GPC5: variants seen among roughly 807,000 people sequenced by gnomAD.
GPC5 encodes glypican 5.
In GPC5, 47 loss-of-function variants were observed where a neutral mutation model predicts 53.9. The ratio of observed to expected loss-of-function variants is 0.87; its 90% CI spans 0.69 to 1.11. GPC5 has a LOEUF of 1.11. GPC5 is among the 50% of genes most tolerant of loss of function. The probability of loss-of-function intolerance (pLI) is 0.00; values close to 1 mark genes in which losing one functional copy is unlikely to be tolerated. For synonymous variants in GPC5, 286 were observed against 263.3 expected, an observed-to-expected ratio of 1.09 and a Z score of -0.84; for missense variants, 748 against 713.1, an observed-to-expected ratio of 1.05 and a Z score of -0.56.
chr13:92,752,234 T>C (rs1350210035), intron 7 of GPC5, among the ~76,000 whole-genome samples: 2 of 152,118 alleles, frequency 1.3e-5, no homozygotes, highest in African/African-American at 4.8e-5. Flanking sequence ...TTCTACCAAC[T>C]AGATGTCATC....
At chr13:92,583,289 T>C (rs942415115) in intron 7 of GPC5, among the ~76,000 whole-genome samples, 1 of 152,226 alleles carries the variant, frequency 6.6e-6, no homozygotes, top group Non-Finnish European at 1.5e-5. Context: ...AAATAAGATA[T>C]ATTGATGTGT....
intron 2 of GPC5, among the ~76,000 whole-genome samples, chr13:91,679,244 T>C (rs753034292): frequency 2.6e-5 from 4 of 152,252 alleles, no homozygotes; most frequent in Non-Finnish European, 5.9e-5. Context: ...TTTTGTTACA[T>C]AGGTATACAG....
intron 6 of GPC5, among the ~76,000 whole-genome samples, chr13:92,089,201 G>A (rs182464425): frequency 1.3e-5 from 2 of 152,302 alleles, no homozygotes; most frequent in Admixed American, 6.5e-5. Context: ...TTGGGAGGCC[G>A]AGGCGGGCCG....
intron 7 of GPC5, among the ~76,000 whole-genome samples, chr13:92,596,592 G>C (rs1883888934): frequency 6.6e-6 from 1 of 151,990 alleles, no homozygotes; most frequent in East Asian, 1.9e-4. Flanking sequence ...TTATGCCTCA[G>C]CCTCCCAAGT....
Position 91,659,299 on chromosome 13 carries a change from G to A in GPC5, c.326-33888G>A, listed in dbSNP as rs1284113172. ...ATAGGGAGCTTGGTGAGGATTTTCA[G>A]GGCAGTAGCGAAGTGCCCTTGGCAT... is the stretch of plus-strand genomic sequence containing the variant. On this transcript the variant is annotated intron_variant, in intron 2 of 7. Coordinates refer to ENST00000377067, the MANE Select transcript of GPC5 (RefSeq NM_004466.6). 2.0e-5 allele frequency among the ~76,000 whole-genome samples: 3 copies of A among 152,168 alleles called. No individual in the cohort carries two copies. In the East Asian group the frequency reaches 5.8e-4, roughly 29 times the overall value.
intron 2 of GPC5, among the ~76,000 whole-genome samples, chr13:91,585,883 G>GA: frequency 6.6e-6 from 1 of 151,610 alleles, no homozygotes; most frequent in African/African-American, 2.4e-5. Context: ...GTTAAATTTT[G>GA]AAAAAAGAAA....
chr13:92,501,525 T>C (rs1880183437), intron 7 of GPC5, among the ~76,000 whole-genome samples: 2 of 151,968 alleles, frequency 1.3e-5, no homozygotes, highest in Admixed American at 1.3e-4. Flanking sequence ...CAGAAAAAAA[T>C]ATTTAAGACA....
At chr13:92,437,381 G>A (rs188885675) in intron 7 of GPC5, among the ~76,000 whole-genome samples, 51 of 152,110 alleles carry the variant, frequency 3.4e-4, no homozygotes, top group Admixed American at 5.9e-4. Flanking sequence ...AAATTGAGAA[G>A]CTCCTGGCCT....
intron 7 of GPC5, among the ~76,000 whole-genome samples, chr13:92,802,144 A>G (rs1198049724): frequency 6.6e-6 from 1 of 151,778 alleles, no homozygotes; most frequent in Non-Finnish European, 1.5e-5. Context: ...ACCATTTTTT[A>G]TTGTACCTTT....
Position 92,299,923 on chromosome 13 carries a change from G to C in GPC5, c.1561+154934G>C, listed in dbSNP as rs372292284. On this transcript the variant is annotated intron_variant, in intron 7 of 7. Coordinates refer to ENST00000377067, the MANE Select transcript of GPC5 (RefSeq NM_004466.6). ...TTATATTGCTGTCAGCCTGAGGCTTGTGAAAAAGGAGGTTTGTGAGGATGT... is the reference window on the plus strand; with the variant it reads ...TTATATTGCTGTCAGCCTGAGGCTTCTGAAAAAGGAGGTTTGTGAGGATGT... 2.6e-5 allele frequency among the ~76,000 whole-genome samples: 4 copies of C among 152,144 alleles called. No homozygotes were observed. The East Asian group carries it at 7.7e-4, about 29-fold the overall frequency.
chr13:92,205,447 G>T (rs1255801203), intron 7 of GPC5, among the ~76,000 whole-genome samples: 1 of 152,086 alleles, frequency 6.6e-6, no homozygotes, highest in Non-Finnish European at 1.5e-5. Context: ...ATTATCAGGT[G>T]TGGCCCAGGC....
intron 2 of GPC5, among the ~76,000 whole-genome samples, chr13:91,537,553 G>A (rs1290100014): frequency 6.6e-6 from 1 of 152,136 alleles, no homozygotes; most frequent in African/African-American, 2.4e-5. Flanking sequence ...AAAGAAAAGT[G>A]TTCAACTAGA....
chr13:92,424,649 T>A (rs1444936359), intron 7 of GPC5, among the ~76,000 whole-genome samples: 1 of 73,734 alleles, frequency 1.4e-5, no homozygotes, highest in Non-Finnish European at 2.3e-5. Flanking sequence ...GATCTCTGTA[T>A]TTTTTTTTTT....
At chr13:92,324,051 C>T (rs1344640428) in intron 7 of GPC5, among the ~76,000 whole-genome samples, 1 of 151,832 alleles carries the variant, frequency 6.6e-6, no homozygotes, top group African/African-American at 2.4e-5. Flanking sequence ...GACATTCAGT[C>T]ATGTCAAGTG....
intron 5 of GPC5, among the ~76,000 whole-genome samples, chr13:91,778,824 A>C (rs1471607389): frequency 6.6e-6 from 1 of 152,252 alleles, no homozygotes; most frequent in Admixed American, 6.5e-5. Context: ...ATTGTGGAAT[A>C]TTATAGAGTG....
chr13:91,948,908 AT>A (rs1259887517), intron 6 of GPC5, among the ~76,000 whole-genome samples: 3 of 152,134 alleles, frequency 2.0e-5, no homozygotes, highest in Non-Finnish European at 2.9e-5. Context: ...TCTTTTGTGC[AT>A]TTATTACCAT....
At chr13:91,399,316 C>A (rs1876740413) in intron 1 of GPC5, 107 bp downstream of exon 1, 2 of 1,323,030 alleles carry the variant, frequency 1.5e-6, no homozygotes, top group Non-Finnish European at 1.0e-6. Flanking sequence ...TCGGGCCCTG[C>A]AGCCGCGCAG....
chr13:92,511,313 T>C (rs762414006), intron 7 of GPC5, among the ~76,000 whole-genome samples: 4 of 152,206 alleles, frequency 2.6e-5, no homozygotes, highest in African/African-American at 9.6e-5. Flanking sequence ...TGGGAAAGTA[T>C]CTCAAATTTG....
intron 7 of GPC5, among the ~76,000 whole-genome samples, chr13:92,301,617 T>G (rs959318812): frequency 1.3e-5 from 2 of 152,158 alleles, no homozygotes; most frequent in African/African-American, 4.8e-5. Context: ...CAGGTGACAG[T>G]GGCTTATACC....
Sources: gnomAD v4.1 joint callset for allele counts (sites outside exome capture counted in the v4.1 genomes callset) on GRCh38, gnomAD v4.1.1 for gene constraint, MANE v1.5 for transcripts, NCBI Gene and HGNC (gene_info 2026-07-23, HGNC 2026-07-21) for gene names.